CNTN1: variants seen among roughly 807,000 people sequenced by gnomAD.
CNTN1 encodes contactin 1.
A neutral mutation model predicts 126.4 loss-of-function variants in CNTN1; 38 were observed. The ratio of observed to expected loss-of-function variants is 0.30; its 90% CI spans 0.23 to 0.39. The LOEUF (loss-of-function observed/expected upper bound fraction) is 0.39, where lower values mean the gene tolerates loss of function less well. Among genes scored for constraint, CNTN1 ranks in the 10% least tolerant of loss-of-function variants. The pLI is 1.00. For missense variants in CNTN1, 1,009 were observed against 1,248.4 expected (o/e 0.81, Z 2.89); for synonymous variants, 413 against 422.6 (o/e 0.98, Z 0.28).
chr12:40,971,559 A>G (rs756710448), intron 15 of CNTN1: 19 of 1,565,222 alleles, frequency 1.2e-5, no homozygotes, highest in Non-Finnish European at 1.5e-5. Flanking sequence ...TTTTTTTAAC[A>G]TATTATACTA....
intron 1 of CNTN1, among the ~76,000 whole-genome samples, chr12:40,891,930 C>T (rs550644961): frequency 6.6e-6 from 1 of 152,216 alleles, no homozygotes; most frequent in African/African-American, 2.4e-5. Flanking sequence ...AAATAACTTG[C>T]TGCAGCTTTG....
At chr12:41,033,776 C>T (rs1949196018) in intron 23 of CNTN1, among the ~76,000 whole-genome samples, 1 of 151,730 alleles carries the variant, frequency 6.6e-6, no homozygotes, top group Non-Finnish European at 1.5e-5. Flanking sequence ...CAGTGGCTCA[C>T]GCCTGTAATC....
At chr12:41,008,167 G>A (rs1185367162) in intron 17 of CNTN1, among the ~76,000 whole-genome samples, 1 of 152,116 alleles carries the variant, frequency 6.6e-6, no homozygotes, top group African/African-American at 2.4e-5. Context: ...TGGAAGAAAG[G>A]CATGTCCATG....
chr12:40,794,636 G>A (rs1940343407), intron 1 of CNTN1, among the ~76,000 whole-genome samples: 1 of 151,954 alleles, frequency 6.6e-6, no homozygotes, highest in Admixed American at 6.6e-5. Flanking sequence ...CTGACACCTT[G>A]TTAATGCATT....
intron 15 of CNTN1, among the ~76,000 whole-genome samples, chr12:40,961,739 A>C (rs1056848325): frequency 3.3e-5 from 5 of 152,080 alleles, no homozygotes; most frequent in Non-Finnish European, 5.9e-5. Flanking sequence ...TCTCTAATAA[A>C]ATAAATTGAA....
At chr12:40,793,121 C>T (rs2089504768) in intron 1 of CNTN1, among the ~76,000 whole-genome samples, 1 of 152,110 alleles carries the variant, frequency 6.6e-6, no homozygotes, top group Non-Finnish European at 1.5e-5. Context: ...AGGCTAGCGT[C>T]TCATCTTTCT....
chr12:40,993,212 A>G lies in CNTN1; in HGVS notation c.2056A>G (p.Thr686Ala), dbSNP rs764509382. 1.9e-6 allele frequency: 3 copies of G among 1,613,904 alleles called. No homozygotes were observed. In the South Asian group the frequency reaches 3.3e-5, roughly 18 times the overall value. Residue 686 changes from threonine (T) to alanine (A), a missense_variant, in exon 17 of 24, where the codon ACA becomes GCA. Physicochemically the swap from Thr to Ala is moderately conservative, Grantham distance 58. Coordinates refer to ENST00000551295, the MANE Select transcript of CNTN1 (RefSeq NM_001843.4). ...TGAATTCCGCGTGGTAGCAACCAATACACTGGGTAGAGGAGAGCCCAGTAT... is the reference window on the plus strand; with the variant it reads ...TGAATTCCGCGTGGTAGCAACCAATGCACTGGGTAGAGGAGAGCCCAGTAT... ...EYEFRVVATN[T>A]LGRGEPSIPS...
chr12:40,927,439 A>G (rs1373959201), intron 6 of CNTN1, among the ~76,000 whole-genome samples: 2 of 151,974 alleles, frequency 1.3e-5, no homozygotes, highest in Non-Finnish European at 2.9e-5. Context: ...TATTTTGGTG[A>G]TGGTGGGTGG....
chr12:40,975,983 C>T (rs976898173), intron 15 of CNTN1, among the ~76,000 whole-genome samples: 6 of 152,096 alleles, frequency 3.9e-5, no homozygotes, highest in Non-Finnish European at 7.4e-5. Flanking sequence ...ATTTCAAAAA[C>T]TCGAGAGCAT....
chr12:40,825,175 A>G (rs997032402), intron 1 of CNTN1, among the ~76,000 whole-genome samples: 1 of 152,166 alleles, frequency 6.6e-6, no homozygotes, highest in African/African-American at 2.4e-5. Flanking sequence ...TGATATTGGT[A>G]GGACACAGAG....
chr12:40,924,490 A>T (rs1239241157), intron 5 of CNTN1, 67 bp from the exon 6 acceptor site: 7 of 873,820 alleles, frequency 8.0e-6, no homozygotes, highest in Non-Finnish European at 1.3e-5. Context: ...GAAAGGTAAA[A>T]TTGATGAATG....
intron 1 of CNTN1, among the ~76,000 whole-genome samples, chr12:40,712,584 C>T (rs1008040988): frequency 6.6e-6 from 1 of 152,014 alleles, no homozygotes; most frequent in Non-Finnish European, 1.5e-5. Context: ...TTAGAGCAAG[C>T]CCAACCAACC....
intron 16 of CNTN1, among the ~76,000 whole-genome samples, chr12:40,984,839 C>CAT (rs1199900998): frequency 3.3e-5 from 5 of 151,872 alleles, no homozygotes; most frequent in Non-Finnish European, 5.9e-5. Context: ...TATATACATG[C>CAT]ATATATAAAT....
intron 1 of CNTN1, among the ~76,000 whole-genome samples, chr12:40,720,930 C>CA (rs1262765488): frequency 7.7e-6 from 1 of 130,286 alleles, no homozygotes; most frequent in African/African-American, 2.9e-5. Flanking sequence ...GACTCTGTCT[C>CA]AAAAAAACAA....
intron 1 of CNTN1, among the ~76,000 whole-genome samples, chr12:40,906,285 T>A (rs940966261): frequency 3.3e-5 from 5 of 151,878 alleles, no homozygotes; most frequent in Non-Finnish European, 7.4e-5. Context: ...GAAAAAAAAA[T>A]TGCTTTTCAT....
intron 15 of CNTN1, among the ~76,000 whole-genome samples, chr12:40,979,651 T>C (rs920794313): frequency 6.6e-6 from 1 of 152,092 alleles, no homozygotes; most frequent in Admixed American, 6.5e-5. Flanking sequence ...CTAGGAGCTG[T>C]CTATTAACTG....
rs1944916936 is a variant in CNTN1 at position 40,908,498 on chromosome 12, G to A, written c.61+5G>A. 1 of 1,575,656 alleles carries A rather than the reference G, an allele frequency of 6.3e-7. No individual in the cohort carries two copies. The highest frequency in any genetic ancestry group is 1.3e-5 in the African/African-American group (1 of 74,168). ...CTATTACTACCTGTTTAGCAGGTAAGAAATATCCTTTGTATATTCTACATA... is the reference window on the plus strand; with the variant it reads ...CTATTACTACCTGTTTAGCAGGTAAAAAATATCCTTTGTATATTCTACATA... On this transcript the variant is annotated splice_donor_5th_base_variant and intron_variant, in intron 2 of 23. Transcript: ENST00000551295.
At chr12:40,988,572 T>G (rs1270927110) in intron 16 of CNTN1, among the ~76,000 whole-genome samples, 1 of 152,168 alleles carries the variant, frequency 6.6e-6, no homozygotes, top group Non-Finnish European at 1.5e-5. Flanking sequence ...ATTGGTCTTA[T>G]GATACCCATG....
rs943663110 is a variant in CNTN1, at chr12:41,069,543, G to A, written c.2981-416G>A. Reference sequence around the variant, plus strand: ...GTTGGTGTGCTGCACCCATTAACTCGTCATTTAGCATTAGGTATATCTCCT... The same window carrying A: ...GTTGGTGTGCTGCACCCATTAACTCATCATTTAGCATTAGGTATATCTCCT... On this transcript the variant is annotated intron_variant, in intron 23 of 23. Coordinates refer to ENST00000551295, the MANE Select transcript of CNTN1 (RefSeq NM_001843.4). 2.8e-4 allele frequency among the ~76,000 whole-genome samples: 43 copies of A among 151,760 alleles called. 1 individual carries two copies. Among genetic ancestry groups the A allele is most frequent in the Admixed American group, 2.4e-3 (36 of 15,216 alleles).
Sources: allele counts gnomAD v4.1 joint callset (sites outside exome capture counted in the v4.1 genomes callset), GRCh38; gene constraint gnomAD v4.1.1; transcripts MANE v1.5; gene names NCBI Gene and HGNC (gene_info 2026-07-23, HGNC 2026-07-21).